The following LAMC1 variants were observed in gnomAD, a reference collection of about 807,000 sequenced individuals.
The protein encoded by LAMC1 is laminin subunit gamma 1.
In LAMC1, 38 loss-of-function variants were observed where a neutral mutation model predicts 173.6. That is an observed-to-expected ratio of 0.22 (90% CI 0.17 to 0.29). LAMC1 has a LOEUF of 0.29. Among genes scored for constraint, LAMC1 ranks in the 10% least tolerant of loss-of-function variants. The pLI is 1.00. For missense variants in LAMC1, 1,824 were observed against 2,051.8 expected (o/e 0.89, Z 2.14); for synonymous variants, 746 against 749.1 (o/e 1.00, Z 0.07).
intron 21 of LAMC1, among the ~76,000 whole-genome samples, chr1:183,132,900 A>C (rs1656836031): frequency 6.6e-6 from 1 of 152,068 alleles, no homozygotes; most frequent in Non-Finnish European, 1.5e-5. Flanking sequence ...CATTATAGAA[A>C]ATTTTTTCTT....
chr1:183,124,125 C>A (rs977354521), intron 13 of LAMC1, among the ~76,000 whole-genome samples: 2 of 152,170 alleles, frequency 1.3e-5, no homozygotes, highest in Non-Finnish European at 2.9e-5. Flanking sequence ...TTTCTAAGTT[C>A]TCTTCTAACA....
At position 183,050,321 on chromosome 1, in the gene LAMC1, G is replaced by A. The variant is rs181110847; in HGVS notation, c.418+26187G>A. The stretch of plus-strand genomic sequence containing the variant: ...TTTTTTGAGACAGAGTCTCACTCTC[G>A]CCCAGGCTGGAATGCAGTGGCGTGA... On this transcript the variant is annotated intron_variant, in intron 1 of 27. Coordinates refer to ENST00000258341, the MANE Select transcript of LAMC1 (RefSeq NM_002293.4). 7.3e-5 allele frequency among the ~76,000 whole-genome samples: 9 copies of A among 123,824 alleles called. No homozygotes were observed. The Admixed American group carries it at 7.9e-4, about 11-fold the overall frequency. 81.2% of individuals were successfully genotyped at this position (123,824 alleles called of 152,430 possible).
chr1:183,073,597 T>G (rs898990436), intron 1 of LAMC1, among the ~76,000 whole-genome samples: 3 of 152,180 alleles, frequency 2.0e-5, no homozygotes, highest in African/African-American at 7.2e-5. Flanking sequence ...AGCCTTGAAC[T>G]TGTGTTAAGG....
rs183013310 is a variant in LAMC1 at position 183,111,894 on chromosome 1, G to T, written c.1021+1240G>T. ...TACTAAAAATAGAAAAATTAGCCAG[G>T]TGTGGTGGTGCACGCCTGTAATCAC... On this transcript the variant is annotated intron_variant, in intron 4 of 27. Coordinates refer to ENST00000258341, the MANE Select transcript of LAMC1 (RefSeq NM_002293.4). 7.0e-4 allele frequency among the ~76,000 whole-genome samples: 107 copies of T among 152,226 alleles called. 1 individual carries two copies. Among genetic ancestry groups the T allele is most frequent in the Admixed American group, 2.6e-3 (40 of 15,294 alleles).
intron 1 of LAMC1, among the ~76,000 whole-genome samples, chr1:183,033,348 G>T (rs4652767): frequency 7.2e-5 from 11 of 151,944 alleles, no homozygotes; most frequent in African/African-American, 2.7e-4. Flanking sequence ...TGGGAAACCT[G>T]GGGAAGAGCT....
chr1:183,063,699 G>A (rs1654796084), intron 1 of LAMC1, among the ~76,000 whole-genome samples: 1 of 152,166 alleles, frequency 6.6e-6, no homozygotes, highest in African/African-American at 2.4e-5. Flanking sequence ...GGAAGACAGA[G>A]ACACATCTGT....
At chr1:183,065,100 A>G (rs999573613) in intron 1 of LAMC1, among the ~76,000 whole-genome samples, 13 of 152,166 alleles carry the variant, frequency 8.5e-5, no homozygotes, top group African/African-American at 2.4e-4. Context: ...GAATGAAACA[A>G]TGTTGAACAA....
intron 3 of LAMC1, 101 bp from the exon 4 acceptor site, chr1:183,110,387 T>C: frequency 2.2e-6 from 2 of 890,376 alleles, no homozygotes; most frequent in Non-Finnish European, 3.5e-6. Context: ...GTTTACACTT[T>C]TGAATGGTAA....
chr1:183,108,222 T>A, intron 2 of LAMC1, 54 bp from the exon 3 acceptor site: 1 of 1,555,940 alleles, frequency 6.4e-7, no homozygotes, highest in South Asian at 1.1e-5. Flanking sequence ...CACATTTATA[T>A]CATTTTCAGT....
intron 1 of LAMC1, among the ~76,000 whole-genome samples, chr1:183,098,088 C>A (rs899693643): frequency 6.6e-6 from 1 of 152,116 alleles, no homozygotes; most frequent in African/African-American, 2.4e-5. Flanking sequence ...TTCACTTGCT[C>A]CCGCAGCATG....
intron 26 of LAMC1, among the ~76,000 whole-genome samples, chr1:183,138,797 T>A (rs991847993): frequency 2.6e-5 from 4 of 152,172 alleles, no homozygotes; most frequent in Admixed American, 2.6e-4. Context: ...TTCACTCCTG[T>A]AATCCCAGCA....
At chr1:183,128,774 G>T in intron 18 of LAMC1, 24 bp downstream of exon 18, 2 of 1,556,430 alleles carry the variant, frequency 1.3e-6, no homozygotes, top group South Asian at 2.5e-5. Context: ...AACAGTGCAT[G>T]ACTTCTGTGA....
At chr1:183,063,276 A>G (rs906799668) in intron 1 of LAMC1, among the ~76,000 whole-genome samples, 4 of 151,826 alleles carry the variant, frequency 2.6e-5, no homozygotes, top group African/African-American at 9.7e-5. Context: ...GTTCAGCAAG[A>G]TAGGCAAGTT....
At chr1:183,080,886 TTTTA>T (rs1311954669) in intron 1 of LAMC1, among the ~76,000 whole-genome samples, 8 of 152,200 alleles carry the variant, frequency 5.3e-5, no homozygotes, top group African/African-American at 1.9e-4. Flanking sequence ...TTTAAATGTA[TTTTA>T]TTTATTTATT....
intron 1 of LAMC1, among the ~76,000 whole-genome samples, chr1:183,058,596 A>G (rs1038996134): frequency 2.0e-5 from 3 of 152,144 alleles, no homozygotes; most frequent in African/African-American, 7.2e-5. Context: ...CACGGTTCCC[A>G]TTTTTCTGTA....
Position 183,125,462 on chromosome 1 carries a change from T to C in LAMC1, c.2713T>C (p.Cys905Arg). The change falls in exon 15 of 28, where the codon TGT (cysteine) becomes CGT (arginine). Residue 905 changes from cysteine to arginine, a missense_variant. Cys to Arg is a radical substitution (Grantham distance 180). Coordinates refer to ENST00000258341, the MANE Select transcript of LAMC1 (RefSeq NM_002293.4). ...CAGCTGTAACCCCGTGACGGGGCAG[T>C]GTGAATGTTTGCCTCACGTGACTGG... Reference protein sequence around the residue: ...QSSCNPVTGQCECLPHVTGQD... With the variant: ...QSSCNPVTGQRECLPHVTGQD... 1 of 1,613,984 alleles carries C rather than the reference T, an allele frequency of 6.2e-7. No individual in the cohort carries two copies. Among genetic ancestry groups the C allele is most frequent in the Non-Finnish European group, 8.5e-7 (1 of 1,179,830 alleles).
chr1:183,125,049 G>T, intron 14 of LAMC1, 173 bp downstream of exon 14: 1 of 793,240 alleles, frequency 1.3e-6, no homozygotes, highest in Non-Finnish European at 1.9e-6. Context: ...AAGAAGGACA[G>T]TCATGGTGGC....
chr1:183,078,143 C>T (rs1655168341), intron 1 of LAMC1, among the ~76,000 whole-genome samples: 1 of 152,054 alleles, frequency 6.6e-6, no homozygotes, highest in South Asian at 2.1e-4. Flanking sequence ...TTTTCTGCAT[C>T]TGGAGATAAG....
At chr1:183,118,926 T>C (rs1656394312) in intron 11 of LAMC1, among the ~76,000 whole-genome samples, 1 of 151,714 alleles carries the variant, frequency 6.6e-6, no homozygotes, top group South Asian at 2.1e-4. Flanking sequence ...TGAGACGGAG[T>C]CTTGCTCTGT....
Sources: allele counts gnomAD v4.1 joint callset (sites outside exome capture counted in the v4.1 genomes callset), GRCh38; gene constraint gnomAD v4.1.1; transcripts MANE v1.5; gene names NCBI Gene and HGNC (gene_info 2026-07-23, HGNC 2026-07-21).